The following USE1 variants were observed in gnomAD, a reference collection of about 807,000 sequenced individuals.
USE1 encodes the protein vesicle transport protein USE1.
In USE1, 32 loss-of-function variants were observed where a neutral mutation model predicts 37.6. The observed-to-expected ratio is 0.85, with a 90% confidence interval of 0.64 to 1.14. USE1 has a LOEUF of 1.14. USE1 is among the 50% of genes most tolerant of loss of function. USE1 has a pLI of 0.00. For missense variants in USE1, 310 were observed against 332.2 expected (o/e 0.93, Z 0.52); for synonymous variants, 149 against 137.6 (o/e 1.08, Z -0.58).
At position 17,218,965 on chromosome 19, in the gene USE1, A is replaced by G. The variant is rs200803545; in HGVS notation, c.423-248A>G. ...AACATGGTGAAACCCTGTCTCTACTAAAAATACAAAAATTAGCTGTGCATG... is the reference window on the plus strand; with the variant it reads ...AACATGGTGAAACCCTGTCTCTACTGAAAATACAAAAATTAGCTGTGCATG... On this transcript the variant is annotated intron_variant, in intron 6 of 7. Transcript: ENST00000263897. 3.9e-5 allele frequency: 13 copies of G among 334,496 alleles called. No homozygotes were observed. In the East Asian group the frequency reaches 6.6e-4, roughly 17 times the overall value. 20.7% of individuals were successfully genotyped at this position (334,496 alleles called of 1,614,324 possible).
Position 17,215,658 on chromosome 19 carries a change from C to T in USE1, c.103-144C>T, listed in dbSNP as rs556391606. On this transcript the variant is annotated intron_variant, in intron 1 of 7. Coordinates refer to ENST00000263897, the MANE Select transcript of USE1 (RefSeq NM_018467.4). ...CGCCACGTCCACCTGTAGCTTCCGC[C>T]CCCGTCCCTGGGACTCCGCCCCTCC... 2.8e-5 allele frequency: 36 copies of T among 1,298,392 alleles called. No homozygotes were observed. The African/African-American group carries it at 3.9e-4, about 14-fold the overall frequency. The allele number at this position is 1,298,392 out of a possible 1,614,324, so 80.4% of individuals were successfully genotyped here.
rs766983149 is a variant in USE1, at chr19:17,219,619, C to T, written c.598-12C>T. Reference sequence around the variant, plus strand: ...CCCAGTCCTGTTGACACCTTTTCCACCTCCCCCACAGACCCTGTCACACTC... The same window carrying T: ...CCCAGTCCTGTTGACACCTTTTCCATCTCCCCCACAGACCCTGTCACACTC... On this transcript the variant is annotated splice_polypyrimidine_tract_variant and intron_variant, in intron 7 of 7. Transcript: ENST00000263897. The T allele has an allele frequency of 3.1e-6, 5 of 1,589,396 alleles. No individual in the cohort carries two copies. The Admixed American group carries it at 6.8e-5, about 22-fold the overall frequency.
rs1043941961 is a variant in USE1 at position 17,219,712 on chromosome 19, C to A, written c.679C>A (p.Gln227Lys). The A allele has an allele frequency of 2.5e-6, 4 of 1,613,506 alleles. No individual in the cohort carries two copies. The African/African-American group carries it at 4.0e-5, about 16-fold the overall frequency. Residue 227 changes from glutamine (Q) to lysine (K), a missense_variant, in exon 8 of 8, where the codon CAG becomes AAG. Coordinates refer to ENST00000263897, the MANE Select transcript of USE1 (RefSeq NM_018467.4). ...GTCAGAGCGTCTGGAGCAGCACACGCAGAAGTCAGTCAACTGGCTGCTCTG... is the reference window on the plus strand; with the variant it reads ...GTCAGAGCGTCTGGAGCAGCACACGAAGAAGTCAGTCAACTGGCTGCTCTG... ...TESERLEQHTQKSVNWLLWAM... is the reference protein window; with the variant it reads ...TESERLEQHTKKSVNWLLWAM...
In USE1 at chr19:17,215,494, G is replaced by C. The variant is rs1368499941; in HGVS notation, c.89G>C (p.Trp30Ser). The C allele has an allele frequency of 6.4e-7, 1 of 1,560,134 alleles. No homozygotes were observed. The highest frequency in any genetic ancestry group is 1.2e-5 in the South Asian group (1 of 84,606). ...GCGGAGAAACGGGACCCGGACGAGTGGCGCCTGGAGAAGGTGAGGGGATCT... is the reference window on the plus strand; with the variant it reads ...GCGGAGAAACGGGACCCGGACGAGTCGCGCCTGGAGAAGGTGAGGGGATCT... ...MAAEKRDPDE[W>S]RLEKYVGALE... Residue 30 changes from tryptophan to serine, a missense_variant, in exon 1 of 8, where the codon TGG becomes TCG. By Grantham distance (177) the Trp-to-Ser change is radical. Coordinates refer to ENST00000263897, the MANE Select transcript of USE1 (RefSeq NM_018467.4).
rs1170187802 is a variant in USE1 at position 17,218,389 on chromosome 19, A to T, written c.420A>T (p.Arg140Ser). The T allele has an allele frequency of 6.2e-7, 1 of 1,613,476 alleles. No individual in the cohort carries two copies. ...SAEPEMDVRK[R>S]TGVAGSQPVS... ...AGCCTGAGATGGACGTAAGGAAGAG[A>T]ACGTGAGTGTCTGCGGCCCTGGGGC... is the stretch of plus-strand genomic sequence containing the variant. Residue 140 changes from arginine to serine, a missense_variant and splice_region_variant, in exon 6 of 8, where the codon AGA (arginine) becomes AGT (serine). Coordinates refer to ENST00000263897, the MANE Select transcript of USE1 (RefSeq NM_018467.4).
At chr19:17,217,762 C>G in intron 5 of USE1, 1 of 450,914 alleles carries the variant, frequency 2.2e-6, no homozygotes, top group Non-Finnish European at 4.4e-6. Flanking sequence ...AAATACAAAA[C>G]TTAGCCGGAT....
intron 4 of USE1, among the ~76,000 whole-genome samples, chr19:17,217,096 G>T (rs1319899183): frequency 1.3e-5 from 2 of 151,590 alleles, no homozygotes; most frequent in African/African-American, 4.8e-5. Flanking sequence ...GAAGGGACAG[G>T]TTTGGGAACA....
rs751555596 is a variant in USE1, at chr19:17,215,512, G to A, written c.102+5G>A. Reference sequence around the variant, plus strand: ...GACGAGTGGCGCCTGGAGAAGGTGAGGGGATCTCGCACTGCCGCGTAGAGC... The same window carrying A: ...GACGAGTGGCGCCTGGAGAAGGTGAAGGGATCTCGCACTGCCGCGTAGAGC... On this transcript the variant is annotated splice_donor_5th_base_variant and intron_variant, in intron 1 of 7. Transcript: ENST00000263897. 1.9e-6 allele frequency: 3 copies of A among 1,555,616 alleles called. No homozygotes were observed. The highest frequency in any genetic ancestry group is 2.4e-5 in the South Asian group (2 of 84,406).
intron 7 of USE1, 91 bp downstream of exon 7, chr19:17,219,478 G>A: frequency 1.4e-6 from 2 of 1,451,196 alleles, no homozygotes; most frequent in Non-Finnish European, 1.8e-6. Context: ...GGCTTTGCGG[G>A]ATGAATAGGA....
chr19:17,216,186 A>C lies in USE1; in HGVS notation c.249A>C (p.Lys83Asn). The change falls in exon 4 of 8, where the codon AAA (lysine) becomes AAC (asparagine). Residue 83 changes from lysine to asparagine, a missense_variant. By Grantham distance (94) the Lys-to-Asn change is moderately conservative. Transcript: ENST00000263897. ...TTCTGCAGACCTCCTCCTCAGAGAA[A>C]GCACTGGCCAACCAGTTCCTGGCCC... ...QAEKLTSSSEKALANQFLAPG... is the reference protein window; with the variant it reads ...QAEKLTSSSENALANQFLAPG... 1 of 1,612,688 alleles carries C rather than the reference A, an allele frequency of 6.2e-7. No individual in the cohort carries two copies. Among genetic ancestry groups the C allele is most frequent in the Non-Finnish European group, 8.5e-7 (1 of 1,179,460 alleles).
chr19:17,215,926 A>G (rs371299739), intron 2 of USE1, 66 bp from the exon 3 acceptor site: 30 of 1,583,066 alleles, frequency 1.9e-5, no homozygotes, highest in Middle Eastern at 1.7e-4. Flanking sequence ...CCGCTATCCC[A>G]GCTGGGACCC....
Position 17,219,261 on chromosome 19 carries a change from G to A in USE1, c.471G>A (p.Glu157=). ...TGAGTGAGAAGCAGTTGGCAGCTGA[G>A]CTAGACCTCGTCCTGCAGCGACATC... The part of the protein sequence containing the change: ...QPVSEKQLAA[E]LDLVLQRHQN... The change falls in exon 7 of 8, where the codon GAG becomes GAA. Residue 157 remains glutamate (E), a synonymous_variant. Coordinates refer to ENST00000263897, the MANE Select transcript of USE1 (RefSeq NM_018467.4). The A allele has an allele frequency of 6.2e-7, 1 of 1,613,898 alleles. No homozygotes were observed. Among genetic ancestry groups the A allele is most frequent in the East Asian group, 2.2e-5 (1 of 44,874 alleles).
At position 17,217,346 on chromosome 19, in the gene USE1, G is replaced by C. The variant is rs552403008; in HGVS notation, c.385-107G>C. ...AGATGGAATTTCATTATGTTGGCCA[G>C]GCTGGTCTCGAACTTCTGACCTCAG... is the stretch of plus-strand genomic sequence containing the variant. On this transcript the variant is annotated intron_variant, in intron 4 of 7. Coordinates refer to ENST00000263897, the MANE Select transcript of USE1 (RefSeq NM_018467.4). The C allele has an allele frequency of 4.6e-5, 57 of 1,251,618 alleles. No homozygotes were observed. In the South Asian group the frequency reaches 7.0e-4, roughly 15 times the overall value. 77.5% of individuals were successfully genotyped at this position (1,251,618 alleles called of 1,614,324 possible).
At chr19:17,215,631 C>A in intron 1 of USE1, 124 bp downstream of exon 1, 4 of 1,356,742 alleles carry the variant, frequency 2.9e-6, no homozygotes, top group South Asian at 2.7e-5. Context: ...TCCGGTCAGT[C>A]CCGCCACGTC....
In USE1 at chr19:17,219,611, CTT is replaced by C. The variant is rs755102289; in HGVS notation, c.598-17_598-16del. On this transcript the variant is annotated intron_variant, in intron 7 of 7. Coordinates refer to ENST00000263897, the MANE Select transcript of USE1 (RefSeq NM_018467.4). ...TTCTTGGCCCCAGTCCTGTTGACACCTTTTCCACCTCCCCCACAGACCCTGTC... is the reference window on the plus strand; with the variant it reads ...TTCTTGGCCCCAGTCCTGTTGACACCTTCCACCTCCCCCACAGACCCTGTC... The C allele has an allele frequency of 6.3e-6, 10 of 1,584,094 alleles. No individual in the cohort carries two copies.
chr19:17,215,605 C>G, intron 1 of USE1, 98 bp downstream of exon 1: 1 of 1,447,666 alleles, frequency 6.9e-7, no homozygotes, highest in Non-Finnish European at 9.3e-7. Flanking sequence ...CCAGTAGCCT[C>G]TCGGGCAGCG....
intron 6 of USE1, 171 bp downstream of exon 6, chr19:17,218,562 A>G (rs1250446614): frequency 7.8e-6 from 6 of 766,638 alleles, no homozygotes; most frequent in Non-Finnish European, 1.2e-5. Context: ...GCAGTGGCTC[A>G]CGCCTGTAAT....
chr19:17,219,785 T>G lies in USE1; in HGVS notation c.752T>G (p.Phe251Cys), dbSNP rs1244618879. ...TTCATCTTCATTAGCATGATCCTCT[T>G]CATTCGAATCATGCCTAAACTCAAA... ...VCFIFISMIL[F>C]IRIMPKLK Residue 251 changes from phenylalanine (F) to cysteine (C), a missense_variant, in exon 8 of 8, where the codon TTC becomes TGC. Physicochemically the swap from Phe to Cys is radical, Grantham distance 205 (BLOSUM62 -2). Coordinates refer to ENST00000263897, the MANE Select transcript of USE1 (RefSeq NM_018467.4). The G allele has an allele frequency of 6.2e-7, 1 of 1,603,378 alleles. No individual in the cohort carries two copies. Among genetic ancestry groups the G allele is most frequent in the Admixed American group, 1.7e-5 (1 of 59,786 alleles).
chr19:17,215,472 G>A lies in USE1; in HGVS notation c.67G>A (p.Glu23Lys), dbSNP rs1173453355. 1.9e-6 allele frequency: 3 copies of A among 1,564,334 alleles called. No homozygotes were observed. The African/African-American group carries it at 4.1e-5, about 21-fold the overall frequency. Residue 23 changes from glutamate (E) to lysine (K), a missense_variant, in exon 1 of 8, where the codon GAG becomes AAG. Transcript: ENST00000263897. ...LLSRCEAMAA[E>K]KRDPDEWRLE... Reference sequence around the variant, plus strand: ...ATCCCGCTGCGAGGCGATGGCAGCGGAGAAACGGGACCCGGACGAGTGGCG... The same window carrying A: ...ATCCCGCTGCGAGGCGATGGCAGCGAAGAAACGGGACCCGGACGAGTGGCG...
Sources: gnomAD v4.1 joint callset for allele counts (sites outside exome capture counted in the v4.1 genomes callset) on GRCh38, gnomAD v4.1.1 for gene constraint, MANE v1.5 for transcripts, NCBI Gene and HGNC (gene_info 2026-07-23, HGNC 2026-07-21) for gene names.